B3GLCT: variants seen among roughly 807,000 people sequenced by gnomAD.
B3GLCT encodes the protein beta-1,3-glucosyltransferase.
In B3GLCT, 65 loss-of-function variants were observed where a neutral mutation model predicts 63.4. The ratio of observed to expected loss-of-function variants is 1.03; its 90% CI spans 0.84 to 1.26. The LOEUF (loss-of-function observed/expected upper bound fraction) is 1.26. B3GLCT is among the 50% of genes most tolerant of loss of function. B3GLCT has a pLI of 0.00. For missense variants in B3GLCT, 577 were observed against 604.8 expected, an observed-to-expected ratio of 0.95 and a Z score of 0.48; for synonymous variants, 233 against 219.2, an observed-to-expected ratio of 1.06 and a Z score of -0.55.
intron 13 of B3GLCT, among the ~76,000 whole-genome samples, chr13:31,323,364 A>T (rs547611281): frequency 7.9e-5 from 12 of 152,342 alleles, no homozygotes; most frequent in African/African-American, 2.9e-4. Context: ...TATATGGATG[A>T]ATTTTAAATA....
intron 11 of B3GLCT, among the ~76,000 whole-genome samples, chr13:31,285,799 A>G (rs571829199): frequency 3.2e-4 from 49 of 152,196 alleles, no homozygotes; most frequent in African/African-American, 1.2e-3. Flanking sequence ...TTGCTGTTTG[A>G]TTTGGAAAAA....
chr13:31,325,040 A>G (rs1875538218), intron 14 of B3GLCT, among the ~76,000 whole-genome samples: 1 of 152,226 alleles, frequency 6.6e-6, no homozygotes, highest in African/African-American at 2.4e-5. Context: ...AGTAGCAAAC[A>G]TTATCATAGC....
intron 6 of B3GLCT, 79 bp from the exon 7 acceptor site, chr13:31,260,867 A>T: frequency 7.4e-7 from 1 of 1,354,394 alleles, no homozygotes; most frequent in Non-Finnish European, 1.1e-6. Context: ...TAATTATCTG[A>T]AACCAATAGT....
chr13:31,230,814 C>G (rs1391319400), intron 4 of B3GLCT, among the ~76,000 whole-genome samples: 1 of 152,028 alleles, frequency 6.6e-6, no homozygotes, highest in Non-Finnish European at 1.5e-5. Context: ...TCGAGACCAT[C>G]CTGGCCAATA....
At chr13:31,260,831 A>C (rs1025455306) in intron 6 of B3GLCT, 115 bp from the exon 7 acceptor site, 1 of 935,746 alleles carries the variant, frequency 1.1e-6, no homozygotes. Context: ...AATCTGTGCT[A>C]ATAACTCTTT....
chr13:31,282,413 G>A (rs1784353644), intron 10 of B3GLCT, among the ~76,000 whole-genome samples: 1 of 152,142 alleles, frequency 6.6e-6, no homozygotes. Flanking sequence ...GCCGAGGCGG[G>A]CGGATCACGA....
intron 6 of B3GLCT, among the ~76,000 whole-genome samples, chr13:31,255,519 G>A (rs1441290957): frequency 6.6e-6 from 1 of 152,168 alleles, no homozygotes; most frequent in Non-Finnish European, 1.5e-5. Flanking sequence ...AAAGAACAAA[G>A]CTGGAGGCAT....
intron 10 of B3GLCT, among the ~76,000 whole-genome samples, chr13:31,280,328 G>C (rs1164130642): frequency 6.6e-6 from 1 of 152,130 alleles, no homozygotes; most frequent in Non-Finnish European, 1.5e-5. Context: ...TACAATTTAT[G>C]TTCTCCTGCC....
At position 31,244,482 on chromosome 13, in the gene B3GLCT, A is replaced by G. The variant is rs571962835; in HGVS notation, c.271-2541A>G. ...ACTACAGCCTGGGTGACAAGAGCGA[A>G]ACTCTGTCTCCAAAAATAAAAATAA... is the stretch of plus-strand genomic sequence containing the variant. On this transcript the variant is annotated intron_variant, in intron 4 of 14. Coordinates refer to ENST00000343307, the MANE Select transcript of B3GLCT (RefSeq NM_194318.4). 2.3e-4 allele frequency among the ~76,000 whole-genome samples: 35 copies of G among 152,290 alleles called. 1 individual carries two copies. The highest frequency in any genetic ancestry group is 8.4e-4 in the African/African-American group (35 of 41,574).
chr13:31,228,553 C>T (rs1870214955), intron 3 of B3GLCT, among the ~76,000 whole-genome samples: 1 of 152,170 alleles, frequency 6.6e-6, no homozygotes, highest in Non-Finnish European at 1.5e-5. Context: ...CTGTCTTTGG[C>T]TTGTAGATGG....
chr13:31,282,648 T>TC (rs1555252556), intron 10 of B3GLCT, among the ~76,000 whole-genome samples: 19 of 20,466 alleles, frequency 9.3e-4, no homozygotes, highest in African/African-American at 1.8e-3. Flanking sequence ...AGACTCTGTC[T>TC]CAAAAAAAAA....
chr13:31,240,739 A>T (rs1870900204), intron 4 of B3GLCT, among the ~76,000 whole-genome samples: 1 of 152,076 alleles, frequency 6.6e-6, no homozygotes, highest in South Asian at 2.1e-4. Flanking sequence ...AAGGAGTTGG[A>T]TGCTTAATAG....
chr13:31,300,673 G>C (rs1874178011), intron 12 of B3GLCT, among the ~76,000 whole-genome samples: 1 of 152,150 alleles, frequency 6.6e-6, no homozygotes, highest in Admixed American at 6.5e-5. Flanking sequence ...TCATGGGTCT[G>C]AGTGGGTTCA....
At chr13:31,278,670 A>G (rs1412055360) in intron 10 of B3GLCT, among the ~76,000 whole-genome samples, 3 of 152,228 alleles carry the variant, frequency 2.0e-5, no homozygotes, top group Non-Finnish European at 4.4e-5. Flanking sequence ...GTAGCCTGCC[A>G]AGCCACCACT....
chr13:31,322,134 G>A (rs1473295032), intron 13 of B3GLCT, among the ~76,000 whole-genome samples: 3 of 152,256 alleles, frequency 2.0e-5, no homozygotes, highest in Non-Finnish European at 4.4e-5. Flanking sequence ...GTGCATTTAG[G>A]TAGGAAGCTG....
intron 1 of B3GLCT, among the ~76,000 whole-genome samples, chr13:31,209,225 G>A (rs1869136573): frequency 6.6e-6 from 1 of 152,234 alleles, no homozygotes; most frequent in Admixed American, 6.5e-5. Flanking sequence ...TGTCCCAGTA[G>A]GGTGGAGAAA....
intron 6 of B3GLCT, among the ~76,000 whole-genome samples, chr13:31,254,215 A>G (rs1048492242): frequency 3.9e-5 from 6 of 152,180 alleles, no homozygotes; most frequent in African/African-American, 1.4e-4. Flanking sequence ...CCTGGCAGAG[A>G]CACAACAATA....
chr13:31,212,635 C>T (rs1182855115), intron 1 of B3GLCT, among the ~76,000 whole-genome samples: 1 of 152,160 alleles, frequency 6.6e-6, no homozygotes, highest in African/African-American at 2.4e-5. Flanking sequence ...GTTTCAAGCT[C>T]CTGGCTTCAA....
intron 1 of B3GLCT, among the ~76,000 whole-genome samples, chr13:31,204,694 C>G (rs1593241925): frequency 6.6e-6 from 1 of 152,178 alleles, no homozygotes; most frequent in East Asian, 1.9e-4. Context: ...CTGAAACTCA[C>G]TCTGGCTGTC....
Sources: allele counts gnomAD v4.1 joint callset (sites outside exome capture counted in the v4.1 genomes callset), GRCh38; gene constraint gnomAD v4.1.1; transcripts MANE v1.5; gene names NCBI Gene and HGNC (gene_info 2026-07-23, HGNC 2026-07-21).